TIAM1: variants seen among roughly 807,000 people sequenced by gnomAD.
TIAM1 encodes the protein TIAM Rac1 associated GEF 1.
In TIAM1, 65 loss-of-function variants were observed where a neutral mutation model predicts 163.5. That is an observed-to-expected ratio of 0.40 (90% confidence interval 0.33 to 0.49). The LOEUF is 0.49. TIAM1 is among the 20% of genes least tolerant of loss of function. The probability of loss-of-function intolerance (pLI) is 0.77; values close to 1 mark genes in which losing one functional copy is unlikely to be tolerated. For missense variants in TIAM1, 1,789 were observed against 2,044.7 expected (o/e 0.87, Z 2.41); for synonymous variants, 833 against 810.1 (o/e 1.03, Z -0.48).
chr21:31,310,471 C>A (rs1016445462), intron 2 of TIAM1, among the ~76,000 whole-genome samples: 3 of 152,134 alleles, frequency 2.0e-5, no homozygotes, highest in African/African-American at 2.4e-5. Context: ...GAGTCAGCCA[C>A]CCTGGGTGAA....
chr21:31,525,944 G>A (rs1464953729), intron 1 of TIAM1, among the ~76,000 whole-genome samples: 11 of 148,866 alleles, frequency 7.4e-5, no homozygotes, highest in African/African-American at 2.5e-5. Context: ...TGAGGCAGGA[G>A]AATCGCTTGA....
intron 1 of TIAM1, among the ~76,000 whole-genome samples, chr21:31,503,194 A>C (rs957268288): frequency 1.2e-4 from 18 of 152,150 alleles, no homozygotes; most frequent in African/African-American, 4.1e-4. Flanking sequence ...CAGGAGTTCA[A>C]GACCAGCTTG....
At chr21:31,540,301 C>T (rs1269942626) in intron 1 of TIAM1, among the ~76,000 whole-genome samples, 1 of 151,314 alleles carries the variant, frequency 6.6e-6, no homozygotes, top group Non-Finnish European at 1.5e-5. Context: ...AGGAGAATCA[C>T]TTGAACCCAG....
At chr21:31,142,210 C>T (rs1023562764) in intron 20 of TIAM1, among the ~76,000 whole-genome samples, 1 of 150,398 alleles carries the variant, frequency 6.6e-6, no homozygotes, top group African/African-American at 2.4e-5. Flanking sequence ...TCATCCGTCC[C>T]CTGAGCTGTT....
intron 3 of TIAM1, among the ~76,000 whole-genome samples, chr21:31,274,388 A>G (rs2073199098): frequency 6.6e-6 from 1 of 152,242 alleles, no homozygotes; most frequent in Admixed American, 6.5e-5. Context: ...CATAAAGAAC[A>G]TAGAAAAATA....
intron 2 of TIAM1, among the ~76,000 whole-genome samples, chr21:31,339,020 T>C (rs770796602): frequency 1.3e-5 from 2 of 152,014 alleles, no homozygotes; most frequent in Admixed American, 1.3e-4. Flanking sequence ...AAAATAACCA[T>C]GGGAACCACC....
At chr21:31,365,222 T>C (rs1443201126) in intron 2 of TIAM1, among the ~76,000 whole-genome samples, 1 of 152,088 alleles carries the variant, frequency 6.6e-6, no homozygotes, top group Non-Finnish European at 1.5e-5. Context: ...CAGCAGATCC[T>C]GGGAAGAGAT....
chr21:31,342,384 C>T (rs2076046385), intron 1 of TIAM1, among the ~76,000 whole-genome samples: 2 of 151,602 alleles, frequency 1.3e-5, no homozygotes, highest in Non-Finnish European at 1.5e-5. Context: ...GATAATGATA[C>T]AGAAATTGCC....
At chr21:31,243,980 T>C (rs776855371) in intron 6 of TIAM1, among the ~76,000 whole-genome samples, 2 of 152,184 alleles carry the variant, frequency 1.3e-5, no homozygotes, top group Non-Finnish European at 2.9e-5. Context: ...GTAGGCTGCA[T>C]TTGTGAGTGG....
At chr21:31,456,846 C>G (rs2045123021) in intron 2 of TIAM1, among the ~76,000 whole-genome samples, 1 of 152,178 alleles carries the variant, frequency 6.6e-6, no homozygotes, top group Non-Finnish European at 1.5e-5. Context: ...TCCTTACCAC[C>G]ACCAATTAAC....
At chr21:31,402,244 G>C (rs1272715246) in intron 2 of TIAM1, among the ~76,000 whole-genome samples, 1 of 151,918 alleles carries the variant, frequency 6.6e-6, no homozygotes, top group Non-Finnish European at 1.5e-5. Context: ...AATTGGAATT[G>C]AGACACTGTG....
chr21:31,240,363 A>C (rs2146696615), intron 6 of TIAM1, among the ~76,000 whole-genome samples: 1 of 152,344 alleles, frequency 6.6e-6, no homozygotes, highest in South Asian at 2.1e-4. Flanking sequence ...GCATTTATTA[A>C]AGACAAATGG....
intron 5 of TIAM1, among the ~76,000 whole-genome samples, chr21:31,247,141 G>A (rs750751905): frequency 6.6e-6 from 1 of 151,810 alleles, no homozygotes; most frequent in African/African-American, 2.4e-5. Context: ...GCAATATAGC[G>A]AGGCCTCGTC....
chr21:31,460,358 G>A (rs2147347335), intron 2 of TIAM1, among the ~76,000 whole-genome samples: 1 of 152,342 alleles, frequency 6.6e-6, no homozygotes. Context: ...TGGGCGTGGT[G>A]GCTCACACCT....
At chr21:31,296,943 A>G (rs541397329) in intron 2 of TIAM1, among the ~76,000 whole-genome samples, 31 of 152,244 alleles carry the variant, frequency 2.0e-4, no homozygotes, top group East Asian at 1.2e-3. Context: ...GATTACGGGC[A>G]TGAGCCACTG....
At chr21:31,336,488 CTTTTTTTT>C (rs34052300) in intron 2 of TIAM1, among the ~76,000 whole-genome samples, 1 of 125,472 alleles carries the variant, frequency 8.0e-6, no homozygotes, top group Admixed American at 8.2e-5. Flanking sequence ...TTGCCCCTTG[CTTTTTTTT>C]TTTTTTTTTT....
chr21:31,556,574 G>A (rs1182672625), intron 1 of TIAM1, among the ~76,000 whole-genome samples: 1 of 151,940 alleles, frequency 6.6e-6, no homozygotes, highest in Non-Finnish European at 1.5e-5. Context: ...TTAAGCCTGA[G>A]ATCATCTGAT....
At chr21:31,190,666 G>A (rs2085515340) in intron 13 of TIAM1, among the ~76,000 whole-genome samples, 1 of 152,140 alleles carries the variant, frequency 6.6e-6, no homozygotes, top group Non-Finnish European at 1.5e-5. Flanking sequence ...CAAGGCAGCC[G>A]AGGGTCTCAT....
chr21:31,283,945 C>T (rs2073684944), intron 2 of TIAM1, among the ~76,000 whole-genome samples: 1 of 152,184 alleles, frequency 6.6e-6, no homozygotes, highest in East Asian at 1.9e-4. Context: ...GCTTTGGGCT[C>T]GCTCTTGGCT....
Sources: allele counts gnomAD v4.1 joint callset (sites outside exome capture counted in the v4.1 genomes callset), GRCh38; gene constraint gnomAD v4.1.1; transcripts MANE v1.5; gene names NCBI Gene and HGNC (gene_info 2026-07-23, HGNC 2026-07-21).